Variants in MTX2 observed in about 807,000 individuals in gnomAD.
The protein encoded by MTX2 is metaxin-2.
MTX2 carries 35 observed loss-of-function variants against 42.3 expected under a neutral mutation model. That is an observed-to-expected ratio of 0.83 (90% CI 0.63 to 1.10). MTX2 has a LOEUF of 1.10. MTX2 is among the 50% of genes least tolerant of loss of function. MTX2 has a pLI of 0.00. For synonymous variants in MTX2, 119 were observed against 100.9 expected, an observed-to-expected ratio of 1.18 and a Z score of -1.08; for missense variants, 307 against 304.1, an observed-to-expected ratio of 1.01 and a Z score of -0.07.
chr2:176,278,336 C>T (rs976207705), intron 1 of MTX2, among the ~76,000 whole-genome samples: 1 of 152,030 alleles, frequency 6.6e-6, no homozygotes, highest in African/African-American at 2.4e-5. Flanking sequence ...TAGGTGTGAG[C>T]CACTGCACCT....
chr2:176,284,707 G>A (rs1282129010), intron 1 of MTX2, among the ~76,000 whole-genome samples: 1 of 152,078 alleles, frequency 6.6e-6, no homozygotes, highest in East Asian at 1.9e-4. Context: ...AATGCTTAAG[G>A]AGAAAAAGAT....
chr2:176,284,162 C>T (rs1164203796), intron 1 of MTX2, among the ~76,000 whole-genome samples: 2 of 151,364 alleles, frequency 1.3e-5, no homozygotes, highest in South Asian at 4.2e-4. Flanking sequence ...CCAGGCGTGC[C>T]TCAAACTTCT....
intron 2 of MTX2, among the ~76,000 whole-genome samples, chr2:176,297,297 T>C (rs1442398522): frequency 1.3e-5 from 2 of 152,150 alleles, no homozygotes; most frequent in Non-Finnish European, 2.9e-5. Flanking sequence ...TTAGCAGCTC[T>C]TCATATATCA....
At chr2:176,303,253 G>A (rs994478454) in intron 3 of MTX2, among the ~76,000 whole-genome samples, 9 of 151,936 alleles carry the variant, frequency 5.9e-5, no homozygotes, top group South Asian at 4.1e-4. Flanking sequence ...CTTTATTAAA[G>A]CCTCATAAAG....
chr2:176,291,654 T>C (rs955178345), intron 1 of MTX2, among the ~76,000 whole-genome samples: 2 of 152,126 alleles, frequency 1.3e-5, no homozygotes, highest in South Asian at 2.1e-4. Context: ...TGTTAAAATA[T>C]TATCCACTTT....
intron 1 of MTX2, among the ~76,000 whole-genome samples, chr2:176,272,555 T>A (rs1416524504): frequency 2.0e-5 from 3 of 152,280 alleles, no homozygotes; most frequent in Non-Finnish European, 2.9e-5. Flanking sequence ...TCAAAAACAT[T>A]TATACAAAAA....
Position 176,285,372 on chromosome 2 carries a change from A to G in MTX2, c.41-11488A>G, listed in dbSNP as rs149778575. On this transcript the variant is annotated intron_variant, in intron 1 of 9. Coordinates refer to ENST00000249442, the MANE Select transcript of MTX2 (RefSeq NM_006554.5). ...ACAAACCCTTTTAGATTTATAATTC[A>G]GTGATTTTTAGTATATTTACATAAT... 2.3e-3 allele frequency among the ~76,000 whole-genome samples: 352 copies of G among 151,196 alleles called. 1 individual carries two copies. The highest frequency in any genetic ancestry group is 7.9e-3 in the African/African-American group (326 of 41,262).
In MTX2 at chr2:176,269,759, C is replaced by T; in HGVS notation, c.40+90C>T. ...GGGCTGGAGCTTTCCTCCAGCCTTG[C>T]GGCATTATACGCTGAACCCGGCCCG... On this transcript the variant is annotated intron_variant, in intron 1 of 9. Transcript: ENST00000249442. 3 of 1,419,458 alleles carry T rather than the reference C, an allele frequency of 2.1e-6. No homozygotes were observed. In the South Asian group the frequency reaches 4.0e-5, roughly 19 times the overall value. 87.9% of individuals were successfully genotyped at this position (1,419,458 alleles called of 1,614,324 possible). A position where few individuals can be genotyped will look rare whatever the true frequency, so the allele number is the denominator to read the frequency against.
chr2:176,278,605 G>A (rs999457130), intron 1 of MTX2, among the ~76,000 whole-genome samples: 15 of 152,158 alleles, frequency 9.9e-5, no homozygotes, highest in African/African-American at 3.4e-4. Context: ...AGTTATTAAC[G>A]TTAGCCCAAG....
chr2:176,316,885 A>G (rs1684455380), intron 3 of MTX2, among the ~76,000 whole-genome samples: 1 of 152,022 alleles, frequency 6.6e-6, no homozygotes, highest in Non-Finnish European at 1.5e-5. Flanking sequence ...CATATTATGT[A>G]TTTATAGCAA....
chr2:176,274,788 C>T (rs920165775), intron 1 of MTX2, among the ~76,000 whole-genome samples: 1 of 152,134 alleles, frequency 6.6e-6, no homozygotes, highest in African/African-American at 2.4e-5. Flanking sequence ...AGGATACTCT[C>T]CCTTTTGATT....
At chr2:176,315,035 G>C (rs1684404288) in intron 3 of MTX2, among the ~76,000 whole-genome samples, 1 of 152,154 alleles carries the variant, frequency 6.6e-6, no homozygotes, top group African/African-American at 2.4e-5. Context: ...TCTGTCAGTT[G>C]TGTGCATAAA....
chr2:176,269,752 A>T (rs1289731829), intron 1 of MTX2, 83 bp downstream of exon 1: 2 of 1,465,128 alleles, frequency 1.4e-6, no homozygotes, highest in Admixed American at 4.7e-5. Context: ...GCTTTCCTCC[A>T]GCCTTGCGGC....
chr2:176,299,582 A>T (rs1212725871), intron 3 of MTX2, among the ~76,000 whole-genome samples: 1 of 152,120 alleles, frequency 6.6e-6, no homozygotes, highest in African/African-American at 2.4e-5. Context: ...TCGATGATAA[A>T]TTACGCAGCA....
chr2:176,320,725 T>C (rs2222518), intron 3 of MTX2, among the ~76,000 whole-genome samples: 79,037 of 148,728 alleles, frequency 0.53, 21,311 homozygotes, highest in Admixed American at 0.63. Flanking sequence ...GACAGGGTCT[T>C]GTTGTATTGC....
rs1244759279 is a variant in MTX2 at position 176,337,808 on chromosome 2, ATAT to A, written c.*146_*148del. The A allele has an allele frequency of 1.2e-5, 8 of 641,576 alleles. No individual in the cohort carries two copies. The East Asian group carries it at 2.1e-4, about 16-fold the overall frequency. The allele number at this position is 641,576 out of a possible 1,614,324, so 39.7% of individuals were successfully genotyped here. ...ATAATGTATCTTATGTATGTGCTTT[ATAT>A]TGTTATTTGTGTATACATTAAAATA... On this transcript the variant is annotated 3_prime_UTR_variant, in exon 10 of 10. Coordinates refer to ENST00000249442, the MANE Select transcript of MTX2 (RefSeq NM_006554.5).
chr2:176,297,807 A>C, intron 2 of MTX2, 42 bp from the exon 3 acceptor site: 2 of 1,378,682 alleles, frequency 1.5e-6, no homozygotes, highest in Non-Finnish European at 2.0e-6. Flanking sequence ...AAAATACTAT[A>C]TTCTACTTGG....
At chr2:176,279,639 C>T (rs958378885) in intron 1 of MTX2, among the ~76,000 whole-genome samples, 18 of 152,012 alleles carry the variant, frequency 1.2e-4, no homozygotes, top group African/African-American at 3.6e-4. Context: ...TACTGTTCAT[C>T]GATTTAAGAT....
intron 1 of MTX2, among the ~76,000 whole-genome samples, chr2:176,284,010 G>T (rs1281767782): frequency 6.6e-6 from 1 of 151,690 alleles, no homozygotes; most frequent in Non-Finnish European, 1.5e-5. Context: ...AAAAAAGTTT[G>T]AGTAACAATT....
Sources: gnomAD v4.1 joint callset for allele counts (sites outside exome capture counted in the v4.1 genomes callset) on GRCh38, gnomAD v4.1.1 for gene constraint, MANE v1.5 for transcripts, NCBI Gene and HGNC (gene_info 2026-07-23, HGNC 2026-07-21) for gene names.